The following TMEM202 variants were observed in gnomAD, a reference collection of about 807,000 sequenced individuals.
The protein encoded by TMEM202 is transmembrane protein 202.
Under a neutral mutation model 26.1 loss-of-function variants are expected in TMEM202, and 25 were observed. That is an observed-to-expected ratio of 0.96 (90% CI 0.70 to 1.34). The LOEUF is 1.34. TMEM202 is among the 40% of genes most tolerant of loss of function. The pLI is 0.00. For synonymous variants in TMEM202, 122 were observed against 119.0 expected (o/e 1.02, Z -0.16); for missense variants, 301 against 327.7 (o/e 0.92, Z 0.63).
At chr15:72,406,783 A>G (rs376966967) in intron 3 of TMEM202, 32 bp downstream of exon 3, 149 of 1,604,880 alleles carry the variant, frequency 9.3e-5, no homozygotes, top group Non-Finnish European at 1.2e-4. Context: ...GTATTTTACC[A>G]TGGTAAAATA....
chr15:72,407,637 AGCCAAAAGACCATT>A (rs1283336170), intron 4 of TMEM202, 40 bp from the exon 5 acceptor site: 2 of 1,545,166 alleles, frequency 1.3e-6, no homozygotes, highest in African/African-American at 2.7e-5. Context: ...GAATTTTAAA[AGCCAAAAGACCATT>A]GCCTATTGAA....
At position 72,398,376 on chromosome 15, in the gene TMEM202, C is replaced by T. The variant is rs150902792; in HGVS notation, c.50C>T (p.Pro17Leu). The T allele has an allele frequency of 1.2e-5, 20 of 1,612,916 alleles. No individual in the cohort carries two copies. Among genetic ancestry groups the T allele is most frequent in the Non-Finnish European group, 1.7e-5 (20 of 1,179,702 alleles). Residue 17 changes from proline (P) to leucine (L), a missense_variant, in exon 1 of 5, where the codon CCC becomes CTC. Physicochemically the swap from Pro to Leu is moderately conservative, Grantham distance 98 (BLOSUM62 -3). Transcript: ENST00000341689. ...LTLTFHSPEV[P>L]KIKGNRKYQR... ...TTGACTTTCCACAGTCCTGAGGTTC[C>T]CAAAATAAAGGGGAACCGGAAATAC...
chr15:72,407,001 C>T, intron 3 of TMEM202, 85 bp from the exon 4 acceptor site: 6 of 1,552,786 alleles, frequency 3.9e-6, no homozygotes, highest in Middle Eastern at 4.8e-4. Flanking sequence ...ATACATATGG[C>T]CTCTGGAGGC....
At chr15:72,406,804 C>G (rs773415964) in intron 3 of TMEM202, 53 bp downstream of exon 3, 293 of 1,578,230 alleles carry the variant, frequency 1.9e-4, no homozygotes, top group Non-Finnish European at 2.3e-4. Flanking sequence ...GTCAAGGTAA[C>G]AAATTTTCTC....
chr15:72,404,278 G>C (rs1417598669), intron 2 of TMEM202, among the ~76,000 whole-genome samples: 2 of 152,020 alleles, frequency 1.3e-5, no homozygotes, highest in Non-Finnish European at 2.9e-5. Flanking sequence ...AGCCAGGTGT[G>C]GTAGTGTGCA....
intron 2 of TMEM202, among the ~76,000 whole-genome samples, chr15:72,403,126 A>C (rs141798366): frequency 6.6e-6 from 1 of 152,270 alleles, no homozygotes; most frequent in East Asian, 1.9e-4. Context: ...CCCATTATTT[A>C]CAAACTGCCA....
chr15:72,407,439 A>T (rs1189712914), intron 4 of TMEM202, among the ~76,000 whole-genome samples: 1 of 152,166 alleles, frequency 6.6e-6, no homozygotes, highest in Non-Finnish European at 1.5e-5. Context: ...CAAGTTGAGT[A>T]ACTTGCCCAA....
In TMEM202 at chr15:72,406,707, C is replaced by T. The variant is rs1186367989; in HGVS notation, c.443C>T (p.Thr148Ile). The change falls in exon 3 of 5, where the codon ACC becomes ATC. Residue 148 changes from threonine (T) to isoleucine (I), a missense_variant. Coordinates refer to ENST00000341689, the MANE Select transcript of TMEM202 (RefSeq NM_001080462.3). ...SSWILNRGSMTTNLDLKVSML... is the reference protein window; with the variant it reads ...SSWILNRGSMITNLDLKVSML... The stretch of plus-strand genomic sequence containing the variant: ...TGGATCCTTAATCGAGGAAGCATGA[C>T]CACCAACTTGGATCTGAAGGTATCC... 2 of 1,614,048 alleles carry T rather than the reference C, an allele frequency of 1.2e-6. No homozygotes were observed. The highest frequency in any genetic ancestry group is 1.7e-5 in the Admixed American group (1 of 60,002).
chr15:72,407,877 C>T lies in TMEM202; in HGVS notation c.806C>T (p.Ser269Leu). The stretch of plus-strand genomic sequence containing the variant: ...GTGAGAGAGAAAAATTTACCAAAGT[C>T]AGGACTGTGGTGGTGATAGGAAAAC... ...LSVREKNLPK[S>L]GLWW The change falls in exon 5 of 5, where the codon TCA (serine) becomes TTA (leucine). Residue 269 changes from serine to leucine, a missense_variant. Transcript: ENST00000341689. 6.2e-7 allele frequency: 1 copy of T among 1,613,588 alleles called. No individual in the cohort carries two copies. Among genetic ancestry groups the T allele is most frequent in the Non-Finnish European group, 8.5e-7 (1 of 1,179,942 alleles).
At position 72,398,412 on chromosome 15, in the gene TMEM202, G is replaced by A. The variant is rs2063531537; in HGVS notation, c.81+5G>A. The A allele has an allele frequency of 1.9e-6, 3 of 1,606,222 alleles. No homozygotes were observed. The highest frequency in any genetic ancestry group is 2.6e-6 in the Non-Finnish European group (3 of 1,175,890). On this transcript the variant is annotated splice_donor_5th_base_variant and intron_variant, in intron 1 of 4. Coordinates refer to ENST00000341689, the MANE Select transcript of TMEM202 (RefSeq NM_001080462.3). ...GGGAACCGGAAATACCAAAGGGTGA[G>A]GAGGTATCTAATTGAAAGTCAGATG...
intron 2 of TMEM202, among the ~76,000 whole-genome samples, chr15:72,401,338 G>T (rs79933620): frequency 0.027 from 4,113 of 152,194 alleles, 165 homozygotes; most frequent in African/African-American, 0.088. Flanking sequence ...GAGCTTAGGA[G>T]TTCAAGACCA....
chr15:72,399,781 A>C (rs1225162292), intron 2 of TMEM202, among the ~76,000 whole-genome samples: 1 of 152,240 alleles, frequency 6.6e-6, no homozygotes, highest in African/African-American at 2.4e-5. Flanking sequence ...TTTTTCAATC[A>C]AACCAAAAAC....
rs1180999040 is a variant in TMEM202, at chr15:72,398,640, C to G, written c.82-13C>G. ...ATTCTTTCGGGTAGGCAATATTTCC[C>G]TCATCCTTGTAGCCTACCGTCCCTG... On this transcript the variant is annotated splice_polypyrimidine_tract_variant and intron_variant, in intron 1 of 4. Coordinates refer to ENST00000341689, the MANE Select transcript of TMEM202 (RefSeq NM_001080462.3). The G allele has an allele frequency of 1.9e-6, 3 of 1,612,938 alleles. No individual in the cohort carries two copies. The highest frequency in any genetic ancestry group is 2.5e-6 in the Non-Finnish European group (3 of 1,179,196).
At chr15:72,407,314 C>T in intron 4 of TMEM202, 97 bp downstream of exon 4, 1 of 1,385,806 alleles carries the variant, frequency 7.2e-7, no homozygotes, top group Non-Finnish European at 1.0e-6. Flanking sequence ...ACTGACTGTT[C>T]CTTTTCAGAA....
At chr15:72,404,265 A>T (rs911598786) in intron 2 of TMEM202, among the ~76,000 whole-genome samples, 1 of 152,044 alleles carries the variant, frequency 6.6e-6, no homozygotes, top group Non-Finnish European at 1.5e-5. Context: ...AATACAAAAA[A>T]TTAGCCAGGT....
chr15:72,406,967 G>T, intron 3 of TMEM202, 119 bp from the exon 4 acceptor site: 1 of 1,414,218 alleles, frequency 7.1e-7, no homozygotes, highest in Non-Finnish European at 9.5e-7. Flanking sequence ...CAGTCCCCAG[G>T]TTTTTATCTT....
chr15:72,406,886 G>C, intron 3 of TMEM202, 135 bp downstream of exon 3: 1 of 1,188,018 alleles, frequency 8.4e-7, no homozygotes, highest in East Asian at 2.3e-5. Context: ...CCAGCTATCT[G>C]CCTTATCTAA....
At chr15:72,406,851 T>C (rs1483928973) in intron 3 of TMEM202, 100 bp downstream of exon 3, 11 of 1,362,900 alleles carry the variant, frequency 8.1e-6, no homozygotes, top group Non-Finnish European at 1.1e-5. Flanking sequence ...ATCTCTTTGC[T>C]CTTCTTCAGT....
chr15:72,406,622 G>A lies in TMEM202; in HGVS notation c.358G>A (p.Ala120Thr). 6.2e-7 allele frequency: 1 copy of A among 1,613,880 alleles called. No individual in the cohort carries two copies. The stretch of plus-strand genomic sequence containing the variant: ...TGCAGATTATCTCCAATATTCCAGG[G>A]CCTTCTTTCTCATCTCTGTCTTTAC... ...KPPYYLQYSR[A>T]FFLISVFTIL... Residue 120 changes from alanine to threonine, a missense_variant, in exon 3 of 5, where the codon GCC becomes ACC. Ala to Thr is a moderately conservative substitution (Grantham distance 58). Transcript: ENST00000341689.
Sources: gnomAD v4.1 joint callset for allele counts (sites outside exome capture counted in the v4.1 genomes callset) on GRCh38, gnomAD v4.1.1 for gene constraint, MANE v1.5 for transcripts, NCBI Gene and HGNC (gene_info 2026-07-23, HGNC 2026-07-21) for gene names.